The following ZNF385D variants were observed in gnomAD, a reference collection of about 807,000 sequenced individuals.
ZNF385D encodes the protein zinc finger protein 659.
A neutral mutation model predicts 35.8 loss-of-function variants in ZNF385D; 15 were observed. That is an observed-to-expected ratio of 0.42 (90% confidence interval 0.28 to 0.64). The LOEUF is 0.64. Ranked by LOEUF, ZNF385D falls within the 30% of genes least tolerant of loss-of-function variation. The pLI, the probability that ZNF385D is intolerant of heterozygous loss-of-function variation, is 0.23. For synonymous variants in ZNF385D, 212 were observed against 186.8 expected, an observed-to-expected ratio of 1.13 and a Z score of -1.10; for missense variants, 474 against 494.6, an observed-to-expected ratio of 0.96 and a Z score of 0.39.
chr3:22,303,885 C>G (rs1414182289), intron 2 of ZNF385D, among the ~76,000 whole-genome samples: 2 of 152,144 alleles, frequency 1.3e-5, no homozygotes, highest in South Asian at 2.1e-4. Context: ...TCAAGCGATT[C>G]TTCTGCTTCA....
At chr3:21,811,699 C>T (rs913386673) in intron 3 of ZNF385D, among the ~76,000 whole-genome samples, 1 of 152,076 alleles carries the variant, frequency 6.6e-6, no homozygotes. Context: ...ATTATCAAAT[C>T]AAACACTTGA....
At chr3:21,559,613 T>A (rs2062867047) in intron 3 of ZNF385D, among the ~76,000 whole-genome samples, 1 of 152,168 alleles carries the variant, frequency 6.6e-6, no homozygotes, top group Non-Finnish European at 1.5e-5. Flanking sequence ...CATTTCAACC[T>A]TAGTGAATCT....
At position 22,017,556 on chromosome 3, in the gene ZNF385D, T is replaced by A. The variant is rs535130960; in HGVS notation, c.325+151261A>T. 3.3e-5 allele frequency among the ~76,000 whole-genome samples: 5 copies of A among 152,130 alleles called. No homozygotes were observed. The South Asian group carries it at 1.0e-3, about 31-fold the overall frequency. ...GTTAGATTTATGTCTACCATATTGTTTTGTGTCTTCATTGCTTCCTTCCTT... is the reference window on the plus strand; with the variant it reads ...GTTAGATTTATGTCTACCATATTGTATTGTGTCTTCATTGCTTCCTTCCTT... On this transcript the variant is annotated intron_variant, in intron 3 of 5. Transcript: ENST00000494108.
chr3:22,202,475 T>C (rs928515215), intron 2 of ZNF385D, among the ~76,000 whole-genome samples: 9 of 151,950 alleles, frequency 5.9e-5, no homozygotes, highest in African/African-American at 1.7e-4. Flanking sequence ...AAAATGTTCA[T>C]TGGATGGAGG....
chr3:22,329,412 A>C (rs537767201), intron 2 of ZNF385D, among the ~76,000 whole-genome samples: 1 of 152,318 alleles, frequency 6.6e-6, no homozygotes. Context: ...TAGGTCACCT[A>C]TTGGTGCAGA....
chr3:22,244,645 T>C (rs1258592874), intron 2 of ZNF385D, among the ~76,000 whole-genome samples: 3 of 150,902 alleles, frequency 2.0e-5, no homozygotes, highest in African/African-American at 7.4e-5. Flanking sequence ...GTTTCAAAAG[T>C]GTGTTTAATA....
intron 3 of ZNF385D, among the ~76,000 whole-genome samples, chr3:21,996,894 A>G (rs773301658): frequency 2.8e-4 from 42 of 152,228 alleles, no homozygotes; most frequent in Non-Finnish European, 5.0e-4. Flanking sequence ...TGATTAAGCA[A>G]TAACTTATTC....
At position 22,077,252 on chromosome 3, in the gene ZNF385D, T is replaced by C. The variant is rs554304375; in HGVS notation, c.325+91565A>G. 1.3e-4 allele frequency among the ~76,000 whole-genome samples: 20 copies of C among 152,086 alleles called. No individual in the cohort carries two copies. In the South Asian group the frequency reaches 4.1e-3, roughly 32 times the overall value. Reference sequence around the variant, plus strand: ...CTGTATAATTGCACTAAGCATAAATTTTCCTGGACTAGATTATGTTCCCAT... The same window carrying C: ...CTGTATAATTGCACTAAGCATAAATCTTCCTGGACTAGATTATGTTCCCAT... On this transcript the variant is annotated intron_variant, in intron 3 of 5. Coordinates refer to the ZNF385D transcript ENST00000494108.
rs561695690 is a variant in ZNF385D at position 21,785,391 on chromosome 3, T to C, written c.326-120363A>G. Among the ~76,000 whole-genome samples, 15 of 152,320 alleles carry C rather than the reference T, an allele frequency of 9.8e-5. No individual in the cohort carries two copies. In the South Asian group the frequency reaches 3.1e-3, roughly 32 times the overall value. ...CCATCATTTTTTTTGTGTGTATATATATGTGTGTGTGAGAACACTTAAGAA... is the reference window on the plus strand; with the variant it reads ...CCATCATTTTTTTTGTGTGTATATACATGTGTGTGTGAGAACACTTAAGAA... On this transcript the variant is annotated intron_variant, in intron 3 of 5. Coordinates refer to the ZNF385D transcript ENST00000494108.
chr3:21,869,529 C>T (rs1320716005), intron 3 of ZNF385D, among the ~76,000 whole-genome samples: 1 of 152,002 alleles, frequency 6.6e-6, no homozygotes, highest in Non-Finnish European at 1.5e-5. Flanking sequence ...GTAAAGCCCA[C>T]TAAGTTGAAC....
chr3:21,774,649 G>A (rs1222808399), intron 3 of ZNF385D, among the ~76,000 whole-genome samples: 1 of 151,706 alleles, frequency 6.6e-6, no homozygotes, highest in African/African-American at 2.4e-5. Flanking sequence ...AGTGATTAGA[G>A]ACATATTTAA....
chr3:22,023,271 CCTCAA>C (rs1255804748), intron 3 of ZNF385D, among the ~76,000 whole-genome samples: 1 of 152,060 alleles, frequency 6.6e-6, no homozygotes, highest in Admixed American at 6.6e-5. Context: ...GCAGGAATCA[CCTCAA>C]CTCACATTTA....
intron 2 of ZNF385D, among the ~76,000 whole-genome samples, chr3:22,230,400 C>T (rs1443633555): frequency 6.6e-6 from 1 of 152,136 alleles, no homozygotes; most frequent in Non-Finnish European, 1.5e-5. Flanking sequence ...GGTTCCCATC[C>T]TAACTGCTTC....
rs1458095067 is a variant in ZNF385D, at chr3:22,057,744, C to T, written c.325+111073G>A. The stretch of plus-strand genomic sequence containing the variant: ...GGTCAGGCTGGTCTCGAACTCCTGA[C>T]CTCAGGTGATCCACCTGCCTCGGCC... On this transcript the variant is annotated intron_variant, in intron 3 of 5. Coordinates refer to the ZNF385D transcript ENST00000494108. Among the ~76,000 whole-genome samples, 3 of 152,116 alleles carry T rather than the reference C, an allele frequency of 2.0e-5. 1 individual carries two copies. Among genetic ancestry groups the T allele is most frequent in the Non-Finnish European group, 4.4e-5 (3 of 68,022 alleles).
chr3:22,345,319 CTTTG>C (rs1333534710), intron 2 of ZNF385D, among the ~76,000 whole-genome samples: 2 of 152,132 alleles, frequency 1.3e-5, no homozygotes, highest in African/African-American at 4.8e-5. Flanking sequence ...TACTCAATAT[CTTTG>C]TTTGACACTT....
chr3:22,248,474 G>A (rs1296706269), intron 2 of ZNF385D, among the ~76,000 whole-genome samples: 1 of 152,108 alleles, frequency 6.6e-6, no homozygotes, highest in Admixed American at 6.6e-5. Context: ...AATATTAAAG[G>A]AAATCATACA....
intron 3 of ZNF385D, among the ~76,000 whole-genome samples, chr3:22,005,314 G>C (rs1176163060): frequency 4.6e-5 from 7 of 151,874 alleles, no homozygotes; most frequent in Non-Finnish European, 1.0e-4. Flanking sequence ...GTAGATTAAA[G>C]GGGACTCCTA....
chr3:21,765,488 T>A (rs763725687), intron 3 of ZNF385D, among the ~76,000 whole-genome samples: 1 of 152,046 alleles, frequency 6.6e-6, no homozygotes, highest in Non-Finnish European at 1.5e-5. Context: ...GTGGCCTAGC[T>A]TGAAAAGATG....
intron 3 of ZNF385D, among the ~76,000 whole-genome samples, chr3:22,131,063 T>C (rs1324593303): frequency 6.6e-6 from 1 of 152,126 alleles, no homozygotes; most frequent in Non-Finnish European, 1.5e-5. Context: ...ATCTATAAGA[T>C]AACACAATAA....
Sources: gnomAD v4.1 joint callset for allele counts (sites outside exome capture counted in the v4.1 genomes callset) on GRCh38, gnomAD v4.1.1 for gene constraint, MANE v1.5 for transcripts, NCBI Gene and HGNC (gene_info 2026-07-23, HGNC 2026-07-21) for gene names.